ALK: variants seen among roughly 807,000 people sequenced by gnomAD.
The protein encoded by ALK is ALK tyrosine kinase receptor.
A neutral mutation model predicts 163.1 loss-of-function variants in ALK; 74 were observed. That is an observed-to-expected ratio of 0.45 (90% confidence interval 0.38 to 0.55). The LOEUF (loss-of-function observed/expected upper bound fraction) is 0.55. Ranked by LOEUF, ALK falls within the 20% of genes least tolerant of loss-of-function variation. The probability of loss-of-function intolerance (pLI) is 0.00; values close to 1 mark genes in which losing one functional copy is unlikely to be tolerated. For missense variants in ALK, 2,063 were observed against 2,105.3 expected (o/e 0.98, Z 0.39); for synonymous variants, 960 against 843.2 (o/e 1.14, Z -2.40).
chr2:29,304,918 GT>G (rs1666463026), intron 8 of ALK, among the ~76,000 whole-genome samples: 1 of 152,210 alleles, frequency 6.6e-6, no homozygotes, highest in African/African-American at 2.4e-5. Flanking sequence ...TCAACCTGGG[GT>G]GCAAATTAGA....
At chr2:29,707,934 C>A (rs912846777) in intron 2 of ALK, among the ~76,000 whole-genome samples, 2 of 152,180 alleles carry the variant, frequency 1.3e-5, no homozygotes, top group African/African-American at 4.8e-5. Context: ...ATACAACTCA[C>A]AAGAATCAGA....
intron 3 of ALK, among the ~76,000 whole-genome samples, chr2:29,641,856 G>A (rs992989061): frequency 6.6e-6 from 1 of 152,114 alleles, no homozygotes; most frequent in Admixed American, 6.6e-5. Flanking sequence ...TTTTCTTCAT[G>A]GAATTCAATT....
intron 5 of ALK, among the ~76,000 whole-genome samples, chr2:29,344,502 T>C (rs1016875529): frequency 1.2e-4 from 18 of 152,198 alleles, no homozygotes; most frequent in Admixed American, 9.2e-4. Context: ...GTGTAGGCAC[T>C]CTGGCGATAG....
chr2:29,387,404 A>T (rs571565485), intron 4 of ALK, among the ~76,000 whole-genome samples: 2 of 152,246 alleles, frequency 1.3e-5, no homozygotes, highest in South Asian at 4.2e-4. Flanking sequence ...AGTATGTTAG[A>T]GTCCATCAAA....
In ALK at chr2:29,717,807, A is replaced by T. The variant is rs1008133273; in HGVS notation, c.668-110T>A. On this transcript the variant is annotated intron_variant, in intron 1 of 28. Coordinates refer to ENST00000389048, the MANE Select transcript of ALK (RefSeq NM_004304.5). The stretch of plus-strand genomic sequence containing the variant: ...TTTATAAGGGGCTTTCATGACATCC[A>T]TCGGGAAGATGAGGGGGAAAAAATT... The T allele has an allele frequency of 4.1e-6, 6 of 1,459,148 alleles. No homozygotes were observed. The Admixed American group carries it at 8.5e-5, about 21-fold the overall frequency. 90.4% of individuals were successfully genotyped at this position (1,459,148 alleles called of 1,614,324 possible).
intron 3 of ALK, among the ~76,000 whole-genome samples, chr2:29,659,303 A>G (rs1018782109): frequency 1.3e-5 from 2 of 152,194 alleles, no homozygotes; most frequent in Non-Finnish European, 2.9e-5. Flanking sequence ...GACAGTATTT[A>G]GGATCCCATG....
chr2:29,854,147 T>G (rs1157828193), intron 1 of ALK, among the ~76,000 whole-genome samples: 1 of 152,146 alleles, frequency 6.6e-6, no homozygotes, highest in Non-Finnish European at 1.5e-5. Context: ...ATTGATCATG[T>G]TGTCACCTCC....
chr2:29,414,481 C>A (rs1191574587), intron 4 of ALK, among the ~76,000 whole-genome samples: 1 of 152,164 alleles, frequency 6.6e-6, no homozygotes, highest in Non-Finnish European at 1.5e-5. Flanking sequence ...TTGTTTCTTT[C>A]TCTCCCTGCG....
At chr2:29,753,135 C>T (rs745548326) in intron 1 of ALK, among the ~76,000 whole-genome samples, 2 of 152,208 alleles carry the variant, frequency 1.3e-5, no homozygotes, top group Non-Finnish European at 2.9e-5. Flanking sequence ...TGGGGAACTT[C>T]AGAATGTGCC....
chr2:29,607,735 C>A (rs1484876106), intron 3 of ALK, among the ~76,000 whole-genome samples: 1 of 152,148 alleles, frequency 6.6e-6, no homozygotes, highest in Non-Finnish European at 1.5e-5. Context: ...TTCCTCTCAC[C>A]TCCTTGACCT....
chr2:29,756,032 G>C (rs545428073), intron 1 of ALK, among the ~76,000 whole-genome samples: 1 of 152,208 alleles, frequency 6.6e-6, no homozygotes. Flanking sequence ...CAAAAAGCCC[G>C]AGCACTGAGC....
chr2:29,763,911 C>T (rs191294333), intron 1 of ALK, among the ~76,000 whole-genome samples: 1 of 152,238 alleles, frequency 6.6e-6, no homozygotes, highest in East Asian at 1.9e-4. Context: ...TTCTTCAGGG[C>T]CCCACACCAA....
At chr2:29,849,224 T>A (rs1288009615) in intron 1 of ALK, among the ~76,000 whole-genome samples, 1 of 152,182 alleles carries the variant, frequency 6.6e-6, no homozygotes, top group African/African-American at 2.4e-5. Context: ...TGCTGTCCCT[T>A]CTGTTTAGCT....
intron 12 of ALK, among the ~76,000 whole-genome samples, chr2:29,249,273 G>C (rs1434537917): frequency 6.6e-6 from 1 of 152,224 alleles, no homozygotes; most frequent in African/African-American, 2.4e-5. Context: ...GCAGGGGTAG[G>C]ACAATGGGCT....
At chr2:29,303,773 A>G (rs965651775) in intron 8 of ALK, among the ~76,000 whole-genome samples, 1 of 152,242 alleles carries the variant, frequency 6.6e-6, no homozygotes, top group African/African-American at 2.4e-5. Context: ...TAAGTGAGTT[A>G]ATGTAGAAAC....
At chr2:29,337,974 C>G (rs999831162) in intron 5 of ALK, among the ~76,000 whole-genome samples, 2 of 152,156 alleles carry the variant, frequency 1.3e-5, no homozygotes, top group Non-Finnish European at 2.9e-5. Flanking sequence ...GCCTAATGTA[C>G]AAGATTTATG....
At chr2:29,660,640 G>A (rs1677318987) in intron 3 of ALK, among the ~76,000 whole-genome samples, 1 of 150,880 alleles carries the variant, frequency 6.6e-6, no homozygotes, top group Admixed American at 6.7e-5. Context: ...AAGGTGGGGA[G>A]AGGAAAAGAG....
rs1352529334 is a variant in ALK, at chr2:29,197,556, G to C, written c.4059C>G (p.Asn1353Lys). 1 of 1,613,664 alleles carries C rather than the reference G, an allele frequency of 6.2e-7. No individual in the cohort carries two copies. The highest frequency in any genetic ancestry group is 8.5e-7 in the Non-Finnish European group (1 of 1,180,038). ...AAGAGTCATACACAGGCCCAGGGCA[G>C]TTCTTGGGTGGGTCCATCCGGCCTC... ...TSGGRMDPPK[N>K]CPGPVYRIMT... The change falls in exon 27 of 29, where the codon AAC (asparagine) becomes AAG (lysine). Residue 1353 changes from asparagine (N) to lysine (K), a missense_variant. Asn to Lys is a moderately conservative substitution (Grantham distance 94, BLOSUM62 0). This residue lies in a region of ALK where 403 missense variants were observed against 366.2 expected (regional missense o/e 1.10). Coordinates refer to ENST00000389048, the MANE Select transcript of ALK (RefSeq NM_004304.5).
chr2:29,283,364 GC>G (rs1393223729), intron 9 of ALK, among the ~76,000 whole-genome samples: 1 of 151,662 alleles, frequency 6.6e-6, no homozygotes, highest in Non-Finnish European at 1.5e-5. Context: ...AGCTAGAAAG[GC>G]CCGCCATCCA....
Sources: gnomAD v4.1 joint callset for allele counts (sites outside exome capture counted in the v4.1 genomes callset) on GRCh38, gnomAD v4.1.1 for gene constraint, gnomAD v4.1.1 regional missense constraint, MANE v1.5 for transcripts, NCBI Gene and HGNC (gene_info 2026-07-23, HGNC 2026-07-21) for gene names.